Variants in EXD2 observed in about 807,000 individuals in gnomAD.
The protein encoded by EXD2 is exonuclease 3'-5' domain-containing protein 2.
In EXD2, 40 loss-of-function variants were observed where a neutral mutation model predicts 62.5. The observed-to-expected ratio is 0.64, with a 90% CI of 0.50 to 0.83. The LOEUF (loss-of-function observed/expected upper bound fraction) is 0.83. EXD2 is among the 40% of genes least tolerant of loss of function. EXD2 has a pLI of 0.00. For missense variants in EXD2, 671 were observed against 761.8 expected, an observed-to-expected ratio of 0.88 and a Z score of 1.40; for synonymous variants, 239 against 291.9, an observed-to-expected ratio of 0.82 and a Z score of 1.85.
In EXD2 at chr14:69,236,465, C is replaced by T. The variant is rs540160942; in HGVS notation, c.1215C>T (p.Pro405=). 5.0e-5 allele frequency: 81 copies of T among 1,614,046 alleles called. No homozygotes were observed. Among genetic ancestry groups the T allele is most frequent in the Admixed American group, 3.5e-4 (21 of 60,006 alleles). ...TACGGTTTGAACCTGCAGGAAGGCC[C>T]GAATCTCCTGGAGACTATTACTTGA... ...VKLRFEPAGR[P]ESPGDYYLMV... is the part of the protein sequence containing the mutation. Residue 405 remains proline (P), a synonymous_variant, in exon 8 of 10, where the codon CCC becomes CCT. Coordinates refer to ENST00000685843, the MANE Select transcript of EXD2 (RefSeq NM_001193360.2).
chr14:69,203,578 C>T (rs991092962), intron 1 of EXD2, among the ~76,000 whole-genome samples: 4 of 152,138 alleles, frequency 2.6e-5, no homozygotes, highest in Non-Finnish European at 4.4e-5. Flanking sequence ...TCAAAGAGGG[C>T]AATTTGTAAG....
At position 69,220,419 on chromosome 14, in the gene EXD2, C is replaced by T. The variant is rs538233369; in HGVS notation, c.334-8397C>T. ...CCGAGTAGCTGGGACTACAGGCGCCCGCCACCATGCCCGGCTAATTTTTTG... is the reference window on the plus strand; with the variant it reads ...CCGAGTAGCTGGGACTACAGGCGCCTGCCACCATGCCCGGCTAATTTTTTG... On this transcript the variant is annotated intron_variant, in intron 3 of 9. Coordinates refer to ENST00000685843, the MANE Select transcript of EXD2 (RefSeq NM_001193360.2). Among the ~76,000 whole-genome samples, 90 of 149,096 alleles carry T rather than the reference C, an allele frequency of 6.0e-4. No homozygotes were observed. In the South Asian group the frequency reaches 0.017, roughly 29 times the overall value.
chr14:69,202,268 T>TG (rs558028878), intron 1 of EXD2, among the ~76,000 whole-genome samples: 3 of 151,824 alleles, frequency 2.0e-5, no homozygotes, highest in African/African-American at 4.8e-5. Context: ...CCTAGCTACT[T>TG]GGGGGGGTTG....
chr14:69,232,806 A>G lies in EXD2; in HGVS notation c.718-1894A>G, dbSNP rs140296527. 6.5e-3 allele frequency among the ~76,000 whole-genome samples: 996 copies of G among 152,340 alleles called. 10 individuals are homozygous for G. The highest frequency in any genetic ancestry group is 0.023 in the African/African-American group (942 of 41,562). On this transcript the variant is annotated intron_variant, in intron 5 of 9. Coordinates refer to ENST00000685843, the MANE Select transcript of EXD2 (RefSeq NM_001193360.2). ...TGTATACTCTAGATCCTTTTCAGAT[A>G]GATGATCTATAAAGTATTTTCTACC... is the stretch of plus-strand genomic sequence containing the variant.
chr14:69,220,253 G>GTTTTTTGTTTT (rs2043126549), intron 3 of EXD2, among the ~76,000 whole-genome samples: 14 of 35,112 alleles, frequency 4.0e-4, no homozygotes, highest in Non-Finnish European at 5.9e-4. Context: ...TTGTCTCTCT[G>GTTTTTTGTTTT]TTTTTTTTTT....
At chr14:69,234,553 G>T (rs983636414) in intron 5 of EXD2, 147 bp from the exon 6 acceptor site, 1 of 624,704 alleles carries the variant, frequency 1.6e-6, no homozygotes. Context: ...TTTATAATAA[G>T]AAGTTTTAAG....
At chr14:69,195,289 C>T (rs560791271) in intron 1 of EXD2, among the ~76,000 whole-genome samples, 67 of 152,016 alleles carry the variant, frequency 4.4e-4, no homozygotes, top group African/African-American at 1.6e-3. Flanking sequence ...CCTTGACCTC[C>T]TGGGCTCGAG....
chr14:69,192,658 T>G (rs1469815772), intron 1 of EXD2, among the ~76,000 whole-genome samples: 1 of 152,208 alleles, frequency 6.6e-6, no homozygotes, highest in Non-Finnish European at 1.5e-5. Flanking sequence ...TTTCTTTGCA[T>G]TTATTTGACA....
Position 69,237,560 on chromosome 14 carries a change from C to G in EXD2, c.1293-15C>G, listed in dbSNP as rs1209041225. On this transcript the variant is annotated splice_polypyrimidine_tract_variant and intron_variant, in intron 8 of 9. Transcript: ENST00000685843. ...TACACTTATGAGCGCTGCTTTCCGG[C>G]TGGGCTTGTTCCAGGAAGAACGTGA... The G allele has an allele frequency of 1.2e-6, 2 of 1,612,828 alleles. No individual in the cohort carries two copies. The highest frequency in any genetic ancestry group is 2.2e-5 in the South Asian group (2 of 91,074).
Position 69,230,579 on chromosome 14 carries a change from A to G in EXD2, c.698A>G (p.Glu233Gly), listed in dbSNP as rs1399458433. Residue 233 changes from glutamate to glycine, a missense_variant, in exon 5 of 10, where the codon GAG becomes GGG. By Grantham distance (98) the Glu-to-Gly change is moderately conservative. Transcript: ENST00000685843. Reference sequence around the variant, plus strand: ...CTTCGTTGCAGCAACTGGGATGCTGAGACTCTCACAGAGGACCAGGTACTT... The same window carrying G: ...CTTCGTTGCAGCAACTGGGATGCTGGGACTCTCACAGAGGACCAGGTACTT... Reference protein sequence around the residue: ...LLLRCSNWDAETLTEDQVIYA... With the variant: ...LLLRCSNWDAGTLTEDQVIYA... The G allele has an allele frequency of 6.2e-7, 1 of 1,612,788 alleles. No homozygotes were observed. The highest frequency in any genetic ancestry group is 1.3e-5 in the African/African-American group (1 of 74,824).
chr14:69,203,779 A>G (rs2042491192), intron 1 of EXD2, 138 bp from the exon 2 acceptor site: 1 of 152,218 alleles, frequency 6.6e-6, no homozygotes, highest in Non-Finnish European at 1.5e-5. Context: ...ATTTCCTTTA[A>G]TAGAAGTTCT....
intron 9 of EXD2, among the ~76,000 whole-genome samples, chr14:69,239,584 AC>A (rs2043914681): frequency 1.3e-5 from 2 of 152,314 alleles, no homozygotes; most frequent in South Asian, 4.1e-4. Context: ...TCTCATGACA[AC>A]CCGACAAAGT....
At chr14:69,224,079 G>C (rs1055296398) in intron 3 of EXD2, 1 of 151,888 alleles carries the variant, frequency 6.6e-6, no homozygotes, top group African/African-American at 2.4e-5. Flanking sequence ...CTGTCACCTA[G>C]GTTGGAGTGC....
intron 4 of EXD2, 81 bp from the exon 5 acceptor site, chr14:69,230,391 G>T: frequency 4.9e-6 from 4 of 817,678 alleles, no homozygotes; most frequent in South Asian, 2.0e-5. Flanking sequence ...TCTGTTTATT[G>T]GCCATTTATA....
rs2043844302 is a variant in EXD2, at chr14:69,237,701, G to A, written c.1419G>A (p.Leu473=). Reference sequence around the variant, plus strand: ...TTTCCAACTACTATGACAACCATCTGAAGCAGCAGCTGGCCAAGGAGTTCC... The same window carrying A: ...TTTCCAACTACTATGACAACCATCTAAAGCAGCAGCTGGCCAAGGAGTTCC... ...HAISNYYDNH[L]KQQLAKEFQA... is the part of the protein sequence containing the mutation. Residue 473 remains leucine (L), a synonymous_variant, in exon 9 of 10, where the codon CTG becomes CTA. Coordinates refer to ENST00000685843, the MANE Select transcript of EXD2 (RefSeq NM_001193360.2). 1.2e-6 allele frequency: 2 copies of A among 1,614,090 alleles called. No individual in the cohort carries two copies. The highest frequency in any genetic ancestry group is 1.7e-6 in the Non-Finnish European group (2 of 1,180,036).
At chr14:69,219,017 T>A (rs1203505371) in intron 3 of EXD2, among the ~76,000 whole-genome samples, 1 of 152,224 alleles carries the variant, frequency 6.6e-6, no homozygotes, top group Non-Finnish European at 1.5e-5. Context: ...ATATGAACTT[T>A]AAAGTAGTTT....
At chr14:69,200,811 C>T (rs901430886) in intron 1 of EXD2, among the ~76,000 whole-genome samples, 2 of 150,574 alleles carry the variant, frequency 1.3e-5, no homozygotes, top group Non-Finnish European at 3.0e-5. Flanking sequence ...TGGTGGCTCA[C>T]GCCTGTAATC....
At chr14:69,193,409 A>G (rs1364898143) in intron 1 of EXD2, among the ~76,000 whole-genome samples, 1 of 152,114 alleles carries the variant, frequency 6.6e-6, no homozygotes, top group Non-Finnish European at 1.5e-5. Flanking sequence ...TGTTTTTGCC[A>G]ATCTGATGGA....
At chr14:69,208,421 G>A (rs1005275555) in intron 2 of EXD2, among the ~76,000 whole-genome samples, 4 of 151,106 alleles carry the variant, frequency 2.6e-5, no homozygotes, top group East Asian at 2.0e-4. Context: ...TGTGTTAGCC[G>A]GGATGGTCTC....
Sources: gnomAD v4.1 joint callset for allele counts (sites outside exome capture counted in the v4.1 genomes callset) on GRCh38, gnomAD v4.1.1 for gene constraint, MANE v1.5 for transcripts, NCBI Gene and HGNC (gene_info 2026-07-23, HGNC 2026-07-21) for gene names.